TMEM38B: variants seen among roughly 807,000 people sequenced by gnomAD.
TMEM38B encodes the protein transmembrane protein 38B.
TMEM38B carries 24 observed loss-of-function variants against 28.7 expected under a neutral mutation model. That is an observed-to-expected ratio of 0.84 (90% confidence interval 0.61 to 1.18). The LOEUF is 1.18. Among genes scored for constraint, TMEM38B ranks in the 50% most tolerant of loss-of-function variants. The pLI is 0.00. For synonymous variants in TMEM38B, 131 were observed against 127.7 expected, an observed-to-expected ratio of 1.03 and a Z score of -0.17; for missense variants, 380 against 350.9, an observed-to-expected ratio of 1.08 and a Z score of -0.66.
chr9:105,762,751 A>G (rs1466089891), intron 5 of TMEM38B, among the ~76,000 whole-genome samples: 1 of 148,844 alleles, frequency 6.7e-6, no homozygotes, highest in African/African-American at 2.5e-5. Flanking sequence ...AGCATGATTT[A>G]TAGTCCTTTG....
At chr9:105,723,778 C>T (rs1226317713) in intron 4 of TMEM38B, among the ~76,000 whole-genome samples, 1 of 152,114 alleles carries the variant, frequency 6.6e-6, no homozygotes, top group Non-Finnish European at 1.5e-5. Flanking sequence ...ATCTTCCTTC[C>T]TTAGCCTCCC....
At chr9:105,704,614 T>G (rs1835585594) in intron 1 of TMEM38B, among the ~76,000 whole-genome samples, 1 of 151,990 alleles carries the variant, frequency 6.6e-6, no homozygotes, top group Non-Finnish European at 1.5e-5. Flanking sequence ...GTTCAGGTTG[T>G]ATATTTTTGT....
intron 2 of TMEM38B, among the ~76,000 whole-genome samples, chr9:105,716,648 T>A (rs879924077): frequency 0.18 from 27,365 of 151,802 alleles, 3,529 homozygotes; most frequent in East Asian, 0.46. Flanking sequence ...TCCACTTATG[T>A]GCAGATTTTC....
intron 5 of TMEM38B, among the ~76,000 whole-genome samples, chr9:105,764,588 C>T (rs898211282): frequency 5.9e-5 from 9 of 151,920 alleles, no homozygotes; most frequent in African/African-American, 2.2e-4. Context: ...AAAGAGGATA[C>T]AAACAAATGG....
chr9:105,721,516 A>G lies in TMEM38B; in HGVS notation c.270-21A>G, dbSNP rs370420305. On this transcript the variant is annotated intron_variant, in intron 2 of 5. Transcript: ENST00000374692. ...CTTCTGATTCCATTAATATATTAAA[A>G]TGTTTACATTTCATTTTCAGGTATA... The G allele has an allele frequency of 7.8e-6, 12 of 1,533,622 alleles. No individual in the cohort carries two copies. The African/African-American group carries it at 1.5e-4, about 20-fold the overall frequency.
intron 4 of TMEM38B, among the ~76,000 whole-genome samples, chr9:105,743,265 G>A (rs1837269355): frequency 6.6e-6 from 1 of 152,100 alleles, no homozygotes; most frequent in African/African-American, 2.4e-5. Context: ...TCTATTTTAA[G>A]CCACTGAATT....
At chr9:105,759,908 A>G (rs1837973306) in intron 5 of TMEM38B, 1 of 1,595,206 alleles carries the variant, frequency 6.3e-7, no homozygotes, top group Non-Finnish European at 8.5e-7. Context: ...CCAGTGGCTG[A>G]AATGATCATG....
chr9:105,695,498 G>A (rs1835257609), intron 1 of TMEM38B, among the ~76,000 whole-genome samples: 1 of 152,212 alleles, frequency 6.6e-6, no homozygotes, highest in Non-Finnish European at 1.5e-5. Context: ...AGCATTTTGA[G>A]TTCTTTTAGC....
intron 5 of TMEM38B, among the ~76,000 whole-genome samples, chr9:105,764,940 T>G (rs370717300): frequency 2.0e-5 from 3 of 152,160 alleles, no homozygotes; most frequent in Non-Finnish European, 2.9e-5. Flanking sequence ...TATGTACAAC[T>G]GTCTGATCTT....
chr9:105,695,147 G>C (rs781035469), intron 1 of TMEM38B, among the ~76,000 whole-genome samples: 2 of 152,190 alleles, frequency 1.3e-5, no homozygotes, highest in Admixed American at 1.3e-4. Context: ...CGGCCTCCTC[G>C]CGGTACCGCC....
chr9:105,748,190 G>C lies in TMEM38B; in HGVS notation c.660G>C (p.Lys220Asn). The C allele has an allele frequency of 2.5e-6, 4 of 1,598,684 alleles. No individual in the cohort carries two copies. The highest frequency in any genetic ancestry group is 3.4e-6 in the Non-Finnish European group (4 of 1,167,142). The change falls in exon 5 of 6, where the codon AAG becomes AAC. Residue 220 changes from lysine to asparagine, a missense_variant and splice_region_variant. Transcript: ENST00000374692. ...ATACCATCTTTATTGTGGCCACAAA[G>C]GTAAGAATTCAAAGTACCTATAATT... ...FLYTIFIVAT[K>N]ITMMTTQTST...
In TMEM38B at chr9:105,694,727, A is replaced by T. The variant is rs765964820; in HGVS notation, c.67A>T (p.Ile23Phe). 61 of 1,613,428 alleles carry T rather than the reference A, an allele frequency of 3.8e-5. 1 individual carries two copies. In the South Asian group the frequency reaches 6.5e-4, roughly 17 times the overall value. Residue 23 changes from isoleucine (I) to phenylalanine (F), a missense_variant, in exon 1 of 6, where the codon ATC becomes TTC. Ile to Phe is a conservative substitution (Grantham distance 21). Transcript: ENST00000374692. ...SRTSMFPFFD[I>F]AHYLVSVMAV... Reference sequence around the variant, plus strand: ...CACGTCCATGTTTCCCTTTTTTGACATCGCGCACTATCTAGTGTCAGTGAT... The same window carrying T: ...CACGTCCATGTTTCCCTTTTTTGACTTCGCGCACTATCTAGTGTCAGTGAT...
intron 4 of TMEM38B, among the ~76,000 whole-genome samples, chr9:105,747,286 C>A (rs1837444505): frequency 6.6e-6 from 1 of 152,228 alleles, no homozygotes. Flanking sequence ...GATTCAATTT[C>A]TTCCTGGTTT....
rs532798837 is a variant in TMEM38B at position 105,739,945 on chromosome 9, C to T, written c.543-8128C>T. On this transcript the variant is annotated intron_variant, in intron 4 of 5. Coordinates refer to ENST00000374692, the MANE Select transcript of TMEM38B (RefSeq NM_018112.3). ...TCACCTAGGTTGGAGTGCAGTGGTGCGATCTTGGCTTACTGCACCCTCTGC... is the reference window on the plus strand; with the variant it reads ...TCACCTAGGTTGGAGTGCAGTGGTGTGATCTTGGCTTACTGCACCCTCTGC... Among the ~76,000 whole-genome samples the T allele has an allele frequency of 4.0e-5, 6 of 149,598 alleles. No homozygotes were observed. The East Asian group carries it at 8.1e-4, about 20-fold the overall frequency.
chr9:105,711,653 C>A (rs1460296496), intron 2 of TMEM38B, among the ~76,000 whole-genome samples: 1 of 151,806 alleles, frequency 6.6e-6, no homozygotes, highest in African/African-American at 2.4e-5. Flanking sequence ...ACTGGTAAAA[C>A]CTGGTCTCTA....
At chr9:105,708,523 C>T (rs1252474979) in intron 2 of TMEM38B, among the ~76,000 whole-genome samples, 1 of 152,136 alleles carries the variant, frequency 6.6e-6, no homozygotes, top group Non-Finnish European at 1.5e-5. Flanking sequence ...GAACAATATC[C>T]CAAACTTTTA....
intron 5 of TMEM38B, among the ~76,000 whole-genome samples, chr9:105,764,657 C>T (rs1284631357): frequency 1.3e-5 from 2 of 151,254 alleles, no homozygotes; most frequent in Non-Finnish European, 2.9e-5. Context: ...GCCATACTGC[C>T]CAAGGTAATT....
chr9:105,739,328 G>A (rs1053042972), intron 4 of TMEM38B, among the ~76,000 whole-genome samples: 7 of 142,486 alleles, frequency 4.9e-5, no homozygotes, highest in Admixed American at 2.1e-4. Flanking sequence ...TTCCAAGATT[G>A]TTTTGGCCAT....
intron 5 of TMEM38B, among the ~76,000 whole-genome samples, chr9:105,764,441 CACAA>C (rs1170711982): frequency 7.3e-5 from 11 of 150,562 alleles, no homozygotes; most frequent in South Asian, 2.1e-4. Flanking sequence ...ACCAACAACA[CACAA>C]ACAGAGAGCC....
Sources: allele counts gnomAD v4.1 joint callset (sites outside exome capture counted in the v4.1 genomes callset), GRCh38; gene constraint gnomAD v4.1.1; transcripts MANE v1.5; gene names NCBI Gene and HGNC (gene_info 2026-07-23, HGNC 2026-07-21).